Variants in FRY observed in about 807,000 individuals in gnomAD.
FRY encodes FRY microtubule binding protein, also known as protein furry homolog.
Under a neutral mutation model 348.4 loss-of-function variants are expected in FRY, and 128 were observed. The observed-to-expected ratio is 0.37, with a 90% CI of 0.32 to 0.43. The LOEUF is 0.43. Ranked by LOEUF, FRY falls within the 20% of genes least tolerant of loss-of-function variation. The pLI is 1.00. For missense variants in FRY, 2,736 were observed against 3,695.2 expected (o/e 0.74, Z 6.73); for synonymous variants, 1,370 against 1,374.7 (o/e 1.00, Z 0.08).
chr13:32,141,331 C>G (rs1025874436), intron 11 of FRY, among the ~76,000 whole-genome samples: 8 of 152,082 alleles, frequency 5.3e-5, no homozygotes, highest in Admixed American at 2.0e-4. Context: ...TAAGTTGATT[C>G]AAGTATCAAA....
intron 1 of FRY, among the ~76,000 whole-genome samples, chr13:32,038,247 A>G (rs1275973384): frequency 6.6e-6 from 1 of 152,240 alleles, no homozygotes; most frequent in African/African-American, 2.4e-5. Context: ...ATCTTCGTCC[A>G]TGGTATTTAC....
At chr13:32,260,014 C>G (rs983850273) in intron 51 of FRY, among the ~76,000 whole-genome samples, 3 of 151,970 alleles carry the variant, frequency 2.0e-5, no homozygotes, top group African/African-American at 4.8e-5. Flanking sequence ...ATATCTTATC[C>G]AGATTGTGCT....
Position 32,124,333 on chromosome 13 carries a change from T to C in FRY, c.512T>C (p.Ile171Thr). ...DYLMERRDLAIDFIFSLVLIE... is the reference protein window; with the variant it reads ...DYLMERRDLATDFIFSLVLIE... ...TTAATGGAAAGACGGGACCTCGCCATTGATTTTATTTTTTCTTTAGTATTA... is the reference window on the plus strand; with the variant it reads ...TTAATGGAAAGACGGGACCTCGCCACTGATTTTATTTTTTCTTTAGTATTA... The change falls in exon 5 of 61, where the codon ATT becomes ACT. Residue 171 changes from isoleucine (I) to threonine (T), a missense_variant. Around this residue, in one of 9 missense-constraint regions of FRY, gnomAD observed 309 missense variants for 418.1 expected, o/e 0.74. Coordinates refer to ENST00000542859, the MANE Select transcript of FRY (RefSeq NM_023037.3). The C allele has an allele frequency of 6.3e-7, 1 of 1,598,478 alleles. No homozygotes were observed. Among genetic ancestry groups the C allele is most frequent in the Non-Finnish European group, 8.6e-7 (1 of 1,166,180 alleles).
intron 3 of FRY, among the ~76,000 whole-genome samples, chr13:32,108,780 A>G (rs562911778): frequency 6.6e-6 from 1 of 152,326 alleles, no homozygotes; most frequent in East Asian, 1.9e-4. Flanking sequence ...AATAGCTCAA[A>G]GGCATTGACA....
intron 47 of FRY, 73 bp downstream of exon 47, chr13:32,244,255 A>G: frequency 2.1e-6 from 3 of 1,403,130 alleles, no homozygotes; most frequent in East Asian, 2.3e-5. Flanking sequence ...TAGCTTGGCT[A>G]CAAAACCATC....
intron 7 of FRY, among the ~76,000 whole-genome samples, chr13:32,128,882 G>T (rs1396292917): frequency 6.6e-6 from 1 of 152,196 alleles, no homozygotes; most frequent in Non-Finnish European, 1.5e-5. Flanking sequence ...GATTCAGTAG[G>T]TGTATTATTC....
rs577190974 is a variant in FRY, at chr13:32,167,369, A to G, written c.1893-3643A>G. Among the ~76,000 whole-genome samples, 3 of 152,296 alleles carry G rather than the reference A, an allele frequency of 2.0e-5. No individual in the cohort carries two copies. The South Asian group carries it at 6.2e-4, about 32-fold the overall frequency. On this transcript the variant is annotated intron_variant, in intron 17 of 60. Coordinates refer to ENST00000542859, the MANE Select transcript of FRY (RefSeq NM_023037.3). ...AGAGAATCTGCTCCAAGCCTCTCAC[A>G]TGGCTTCTGGTAGTTTGCTGGCACT... is the stretch of plus-strand genomic sequence containing the variant.
At chr13:32,174,828 A>T (rs1170611350) in intron 19 of FRY, among the ~76,000 whole-genome samples, 1 of 152,126 alleles carries the variant, frequency 6.6e-6, no homozygotes, top group Non-Finnish European at 1.5e-5. Context: ...CAATTTCTCC[A>T]TAAGGGATGG....
chr13:32,171,765 T>TC (rs1167002295), intron 18 of FRY, among the ~76,000 whole-genome samples: 1 of 152,242 alleles, frequency 6.6e-6, no homozygotes, highest in Non-Finnish European at 1.5e-5. Context: ...AGCATGATAT[T>TC]CCACATCAGG....
chr13:32,114,134 C>T (rs1878150282), intron 3 of FRY, among the ~76,000 whole-genome samples: 1 of 152,150 alleles, frequency 6.6e-6, no homozygotes, highest in Admixed American at 6.5e-5. Context: ...ACGTAAGTTT[C>T]CATCTCTTTT....
chr13:32,073,909 G>T (rs1874839007), intron 1 of FRY, among the ~76,000 whole-genome samples: 1 of 152,158 alleles, frequency 6.6e-6, no homozygotes, highest in Admixed American at 6.5e-5. Flanking sequence ...CTGTGGAGGT[G>T]TTTATATTGG....
chr13:32,089,092 C>T (rs1303206448), intron 2 of FRY, among the ~76,000 whole-genome samples: 1 of 152,158 alleles, frequency 6.6e-6, no homozygotes. Context: ...TGTTTCCACA[C>T]AACATTTTGC....
intron 1 of FRY, among the ~76,000 whole-genome samples, chr13:32,054,020 T>C (rs1873488194): frequency 6.6e-6 from 1 of 152,162 alleles, no homozygotes; most frequent in Non-Finnish European, 1.5e-5. Context: ...CAATAAAAGA[T>C]GCTTTGTTAA....
At chr13:32,095,433 T>G (rs1876632801) in intron 2 of FRY, among the ~76,000 whole-genome samples, 2 of 133,880 alleles carry the variant, frequency 1.5e-5, no homozygotes, top group Admixed American at 1.7e-4. Context: ...CTGCAACCTC[T>G]GCCTCCTGGG....
chr13:32,188,794 C>G (rs941614535), intron 28 of FRY, among the ~76,000 whole-genome samples: 1 of 152,078 alleles, frequency 6.6e-6, no homozygotes, highest in Non-Finnish European at 1.5e-5. Flanking sequence ...CTTTGAAGAT[C>G]TATAGAATCT....
intron 1 of FRY, among the ~76,000 whole-genome samples, chr13:32,070,765 T>A (rs1874600141): frequency 2.0e-5 from 3 of 152,214 alleles, no homozygotes; most frequent in Admixed American, 6.5e-5. Context: ...CTTTTGGTGT[T>A]TTAGTCATGA....
At chr13:32,098,272 A>T (rs1876898698) in intron 2 of FRY, among the ~76,000 whole-genome samples, 2 of 152,132 alleles carry the variant, frequency 1.3e-5, no homozygotes, top group Admixed American at 1.3e-4. Flanking sequence ...TAAATACTAT[A>T]TGTATTCATC....
At chr13:32,076,789 G>A (rs1319864207) in intron 1 of FRY, among the ~76,000 whole-genome samples, 1 of 152,122 alleles carries the variant, frequency 6.6e-6, no homozygotes, top group Non-Finnish European at 1.5e-5. Flanking sequence ...GTCTTATTAG[G>A]GAACTTTTAG....
intron 28 of FRY, among the ~76,000 whole-genome samples, chr13:32,192,886 G>A (rs1244838390): frequency 6.6e-6 from 1 of 151,774 alleles, no homozygotes; most frequent in East Asian, 1.9e-4. Flanking sequence ...TGGGATTACA[G>A]GCGCACACCA....
Sources: gnomAD v4.1 joint callset for allele counts (sites outside exome capture counted in the v4.1 genomes callset) on GRCh38, gnomAD v4.1.1 for gene constraint, gnomAD v4.1.1 regional missense constraint, MANE v1.5 for transcripts, NCBI Gene and HGNC (gene_info 2026-07-23, HGNC 2026-07-21) for gene names.